MSI2: variants seen among roughly 807,000 people sequenced by gnomAD.
The protein encoded by MSI2 is RNA-binding protein Musashi homolog 2.
Under a neutral mutation model 45.6 loss-of-function variants are expected in MSI2, and 17 were observed. The ratio of observed to expected loss-of-function variants is 0.37; its 90% CI spans 0.26 to 0.56. The LOEUF (loss-of-function observed/expected upper bound fraction) is 0.56. Among genes scored for constraint, MSI2 ranks in the 20% least tolerant of loss-of-function variants. MSI2 has a pLI of 0.77. For synonymous variants in MSI2, 156 were observed against 158.2 expected, an observed-to-expected ratio of 0.99 and a Z score of 0.11; for missense variants, 293 against 444.2, an observed-to-expected ratio of 0.66 and a Z score of 3.06.
intron 6 of MSI2, among the ~76,000 whole-genome samples, chr17:57,453,119 G>A (rs144864974): frequency 2.8e-4 from 42 of 150,918 alleles, no homozygotes; most frequent in African/African-American, 1.2e-4. Flanking sequence ...TTCTGCCGCA[G>A]CCTCCCGAGT....
chr17:57,476,819 G>A (rs2085546406), intron 6 of MSI2, among the ~76,000 whole-genome samples: 1 of 152,166 alleles, frequency 6.6e-6, no homozygotes, highest in South Asian at 2.1e-4. Context: ...ATTTGTTGAG[G>A]ATCACATGGG....
chr17:57,440,467 T>TGTGTGTGTGTGG (rs2084779162), intron 6 of MSI2, among the ~76,000 whole-genome samples: 1 of 140,286 alleles, frequency 7.1e-6, no homozygotes, highest in Non-Finnish European at 1.6e-5. Flanking sequence ...TGTGTGTGTG[T>TGTGTGTGTGTGG]AGCGTGGCTG....
At chr17:57,421,066 A>G (rs2084385993) in intron 6 of MSI2, among the ~76,000 whole-genome samples, 1 of 151,868 alleles carries the variant, frequency 6.6e-6, no homozygotes, top group South Asian at 2.1e-4. Context: ...CCATTTTTAT[A>G]CCCCACCCCC....
intron 5 of MSI2, among the ~76,000 whole-genome samples, chr17:57,290,797 G>A (rs569900111): frequency 3.9e-5 from 6 of 152,190 alleles, no homozygotes; most frequent in Non-Finnish European, 5.9e-5. Context: ...CAGGGAGCCC[G>A]CATATAACCT....
At chr17:57,366,381 A>G (rs536025128) in intron 5 of MSI2, among the ~76,000 whole-genome samples, 9 of 152,332 alleles carry the variant, frequency 5.9e-5, no homozygotes, top group African/African-American at 2.2e-4. Flanking sequence ...TGAAGGGATC[A>G]CACGTTTGAA....
In MSI2 at chr17:57,674,994, A is replaced by C. The variant is rs1199383369; in HGVS notation, c.813A>C (p.Gly271=). Residue 271 remains glycine (G), a synonymous_variant, in exon 12 of 14, where the codon GGA becomes GGC. Coordinates refer to ENST00000284073, the MANE Select transcript of MSI2 (RefSeq NM_138962.4). ...CAGGCTCCAACCCGGCGCGGCCCGG[A>C]GGCTTCCCGGGGGCCAACAGCCCAG... The part of the protein sequence containing the change: ...RGSGSNPARP[G]GFPGANSPGP... The C allele has an allele frequency of 4.3e-6, 7 of 1,613,312 alleles. No homozygotes were observed. In the South Asian group the frequency reaches 7.7e-5, roughly 18 times the overall value.
At chr17:57,484,596 A>C (rs545505122) in intron 6 of MSI2, among the ~76,000 whole-genome samples, 3 of 152,322 alleles carry the variant, frequency 2.0e-5, no homozygotes, top group African/African-American at 7.2e-5. Flanking sequence ...AACTGTGTTC[A>C]TGTCATTCCT....
chr17:57,610,047 A>G (rs534106996), intron 8 of MSI2, among the ~76,000 whole-genome samples: 5 of 152,308 alleles, frequency 3.3e-5, no homozygotes, highest in African/African-American at 9.6e-5. Flanking sequence ...AGCGTATGGA[A>G]GGTAAAGTAT....
At chr17:57,616,110 A>G (rs944219112) in intron 9 of MSI2, 26 bp downstream of exon 9, 4 of 1,590,806 alleles carry the variant, frequency 2.5e-6, no homozygotes, top group African/African-American at 1.3e-5. Flanking sequence ...ACCGCAGGTC[A>G]CCATGGACTG....
intron 5 of MSI2, among the ~76,000 whole-genome samples, chr17:57,386,287 G>A (rs2083684907): frequency 6.6e-6 from 1 of 152,110 alleles, no homozygotes; most frequent in African/African-American, 2.4e-5. Flanking sequence ...CTGCTGAACA[G>A]AACTTTGGCC....
chr17:57,462,706 G>A (rs2143630395), intron 6 of MSI2, among the ~76,000 whole-genome samples: 1 of 152,298 alleles, frequency 6.6e-6, no homozygotes, highest in South Asian at 2.1e-4. Context: ...ATCCATTTAG[G>A]TGAAGTGCAG....
chr17:57,424,972 C>G (rs933056394), intron 6 of MSI2, among the ~76,000 whole-genome samples: 1 of 152,166 alleles, frequency 6.6e-6, no homozygotes, highest in Non-Finnish European at 1.5e-5. Context: ...TGATCCTCAG[C>G]GAGGCCCCAT....
intron 6 of MSI2, among the ~76,000 whole-genome samples, chr17:57,495,532 C>CAAAAA (rs56325646): frequency 0.037 from 2,640 of 72,212 alleles, 258 homozygotes; most frequent in Middle Eastern, 0.065. Context: ...GACTCTGTCT[C>CAAAAA]AAAAAAAAAA....
chr17:57,483,989 G>A (rs1366761175), intron 6 of MSI2, among the ~76,000 whole-genome samples: 1 of 152,196 alleles, frequency 6.6e-6, no homozygotes, highest in African/African-American at 2.4e-5. Context: ...AAGTATAAAA[G>A]GGTGGGTTTG....
the MSI2 span, among the ~76,000 whole-genome samples, chr17:57,691,364 A>G: frequency 7.9e-5 from 12 of 152,094 alleles, no homozygotes; most frequent in Admixed American, 7.9e-4. Flanking sequence ...TTTGTTTTCC[A>G]TATACATTTT....
At chr17:57,461,417 C>G (rs747397660) in intron 6 of MSI2, among the ~76,000 whole-genome samples, 1 of 152,054 alleles carries the variant, frequency 6.6e-6, no homozygotes. Context: ...GAGGTAGCCT[C>G]GGCAGAGGGG....
chr17:57,632,808 C>G, intron 10 of MSI2: 1 of 1,065,258 alleles, frequency 9.4e-7, no homozygotes, highest in Non-Finnish European at 1.1e-6. Context: ...CCATTTGATG[C>G]ATTTGATGTG....
chr17:57,679,128 GTTTT>G (rs538597681), intron 13 of MSI2, among the ~76,000 whole-genome samples: 2 of 152,016 alleles, frequency 1.3e-5, no homozygotes, highest in African/African-American at 2.4e-5. Flanking sequence ...AGTTTGTGGG[GTTTT>G]TTTTGTTTGT....
At chr17:57,583,231 C>T (rs1184317649) in intron 7 of MSI2, among the ~76,000 whole-genome samples, 1 of 152,174 alleles carries the variant, frequency 6.6e-6, no homozygotes, top group African/African-American at 2.4e-5. Context: ...ATAATCTATA[C>T]CTCCATTTAC....
Sources: allele counts gnomAD v4.1 joint callset (sites outside exome capture counted in the v4.1 genomes callset), GRCh38; gene constraint gnomAD v4.1.1; transcripts MANE v1.5; gene names NCBI Gene and HGNC (gene_info 2026-07-23, HGNC 2026-07-21).